HLF: variants seen among roughly 807,000 people sequenced by gnomAD.
HLF encodes hepatic leukemia factor.
HLF carries 3 observed loss-of-function variants against 22.6 expected under a neutral mutation model. The ratio of observed to expected loss-of-function variants is 0.13; its 90% CI spans 0.06 to 0.34. The LOEUF (loss-of-function observed/expected upper bound fraction) is 0.34, where lower values mean the gene tolerates loss of function less well. HLF is among the 10% of genes least tolerant of loss of function. The pLI is 1.00. For synonymous variants in HLF, 151 were observed against 151.8 expected (o/e 0.99, Z 0.04); for missense variants, 299 against 389.2 (o/e 0.77, Z 1.95).
intron 2 of HLF, among the ~76,000 whole-genome samples, chr17:55,282,594 C>G (rs1284990623): frequency 6.6e-6 from 1 of 152,202 alleles, no homozygotes; most frequent in African/African-American, 2.4e-5. Flanking sequence ...GTCAGCCAAT[C>G]TAGGTTCTAA....
intron 2 of HLF, among the ~76,000 whole-genome samples, chr17:55,294,699 T>G (rs974350706): frequency 6.6e-6 from 1 of 152,208 alleles, no homozygotes; most frequent in Non-Finnish European, 1.5e-5. Flanking sequence ...ATGTTACGGC[T>G]TCCTTCTTCA....
chr17:55,285,619 C>T (rs774825325), intron 2 of HLF, among the ~76,000 whole-genome samples: 1 of 152,180 alleles, frequency 6.6e-6, no homozygotes, highest in Non-Finnish European at 1.5e-5. Flanking sequence ...TTTATTAACA[C>T]AAAGAAATCT....
intron 2 of HLF, among the ~76,000 whole-genome samples, chr17:55,280,281 A>T (rs2080941895): frequency 6.6e-6 from 1 of 152,272 alleles, no homozygotes; most frequent in African/African-American, 2.4e-5. Context: ...GATCAGGAAG[A>T]GATACAGCAG....
intron 2 of HLF, among the ~76,000 whole-genome samples, chr17:55,288,247 A>T (rs2081024049): frequency 6.6e-6 from 1 of 151,882 alleles, no homozygotes; most frequent in South Asian, 2.1e-4. Context: ...TCCTGGGCCC[A>T]AGTGATTCTC....
chr17:55,302,068 A>G (rs940495184), intron 2 of HLF, among the ~76,000 whole-genome samples: 1 of 152,194 alleles, frequency 6.6e-6, no homozygotes, highest in African/African-American at 2.4e-5. Flanking sequence ...CATTTTCCCA[A>G]CCTGCCTGGG....
chr17:55,268,059 A>G lies in HLF; in HGVS notation c.424A>G (p.Asn142Asp), dbSNP rs770527752. 2 of 1,586,020 alleles carry G rather than the reference A, an allele frequency of 1.3e-6. No individual in the cohort carries two copies. Among genetic ancestry groups the G allele is most frequent in the Non-Finnish European group, 1.7e-6 (2 of 1,166,546 alleles). ...CCTTCACCCTGGCATCCCATCTCCGAACTGTATGCAGAGCCCCATCAGACC... is the reference window on the plus strand; with the variant it reads ...CCTTCACCCTGGCATCCCATCTCCGGACTGTATGCAGAGCCCCATCAGACC... ...APLHPGIPSP[N>D]CMQSPIRPGQ... Residue 142 changes from asparagine (N) to aspartate (D), a missense_variant, in exon 2 of 4, where the codon AAC (asparagine) becomes GAC (aspartate). By Grantham distance (23) the Asn-to-Asp change is conservative. This residue lies in a region of HLF where 224 missense variants were observed against 298.1 expected (regional missense o/e 0.75). Transcript: ENST00000226067.
chr17:55,269,400 G>A (rs922167168), intron 2 of HLF, among the ~76,000 whole-genome samples: 41 of 152,044 alleles, frequency 2.7e-4, no homozygotes, highest in Admixed American at 2.5e-3. Context: ...TAGAATGTGC[G>A]GTACCACTAT....
intron 2 of HLF, among the ~76,000 whole-genome samples, chr17:55,295,597 G>A (rs995933456): frequency 6.6e-6 from 1 of 152,228 alleles, no homozygotes; most frequent in African/African-American, 2.4e-5. Context: ...CGGTGTAATG[G>A]ATGGGATTTG....
At position 55,324,811 on chromosome 17, in the gene HLF, G is replaced by GCA. The variant is rs1905401547; in HGVS notation, c.*3932_*3933insCA. On this transcript the variant is annotated 3_prime_UTR_variant, in exon 4 of 4. Coordinates refer to ENST00000226067, the MANE Select transcript of HLF (RefSeq NM_002126.5). ...TAAGAGTGTGTGTGTGTGTGTGTGCGTGCATGTGTGTGTGTGTGTATGTGT... is the reference window on the plus strand; with the variant it reads ...TAAGAGTGTGTGTGTGTGTGTGTGCGCATGCATGTGTGTGTGTGTGTATGTGT... The GCA allele has an allele frequency of 4.3e-6, 1 of 230,062 alleles. No homozygotes were observed. Among genetic ancestry groups the GCA allele is most frequent in the Non-Finnish European group, 8.6e-6 (1 of 116,256 alleles). The allele number at this position is 230,062 out of a possible 1,614,324, so 14.3% of individuals were successfully genotyped here.
chr17:55,268,278 C>A (rs541296058), intron 2 of HLF, among the ~76,000 whole-genome samples, 192 bp downstream of exon 2: 2 of 152,228 alleles, frequency 1.3e-5, no homozygotes, highest in African/African-American at 2.4e-5. Flanking sequence ...CTGGAGAGTC[C>A]GGTAAATACA....
intron 2 of HLF, among the ~76,000 whole-genome samples, chr17:55,270,552 A>C (rs62079901): frequency 0.065 from 9,906 of 152,328 alleles, 423 homozygotes; most frequent in Middle Eastern, 0.13. Flanking sequence ...ATAAGTCCTC[A>C]GAAGGGAAGA....
rs1326869129 is a variant in HLF at position 55,321,715 on chromosome 17, T to C, written c.*836T>C. Reference sequence around the variant, plus strand: ...TTTTAAAAAACAAAAAGTAAAGTAATGCATTTGAGCATGGCCAGACTATTC... The same window carrying C: ...TTTTAAAAAACAAAAAGTAAAGTAACGCATTTGAGCATGGCCAGACTATTC... On this transcript the variant is annotated 3_prime_UTR_variant, in exon 4 of 4. Coordinates refer to ENST00000226067, the MANE Select transcript of HLF (RefSeq NM_002126.5). 2 of 229,852 alleles carry C rather than the reference T, an allele frequency of 8.7e-6. No homozygotes were observed. Among genetic ancestry groups the C allele is most frequent in the Non-Finnish European group, 1.7e-5 (2 of 115,800 alleles). 14.2% of individuals were successfully genotyped at this position (229,852 alleles called of 1,614,324 possible).
chr17:55,269,311 T>A (rs550305508), intron 2 of HLF, among the ~76,000 whole-genome samples: 1 of 152,320 alleles, frequency 6.6e-6, no homozygotes, highest in South Asian at 2.1e-4. Flanking sequence ...ATGGAATTAA[T>A]TCTTAGCCTC....
rs780733551 is a variant in HLF at position 55,322,128 on chromosome 17, CTGTT to C, written c.*1252_*1255del. 2 of 205,318 alleles carry C rather than the reference CTGTT, an allele frequency of 9.7e-6. No homozygotes were observed. The highest frequency in any genetic ancestry group is 4.6e-5 in the African/African-American group (2 of 43,704). 12.7% of individuals were successfully genotyped at this position (205,318 alleles called of 1,614,324 possible). A position where few individuals can be genotyped will look rare whatever the true frequency, so the allele number is the denominator to read the frequency against. ...TTCTGAAGCTTATGTTTCTTATTCT[CTGTT>C]TGCTTTTGAACGTATGTGCTCTTAT... is the stretch of plus-strand genomic sequence containing the variant. On this transcript the variant is annotated 3_prime_UTR_variant, in exon 4 of 4. Transcript: ENST00000226067.
At chr17:55,313,351 GGT>G (rs1248035425) in intron 2 of HLF, among the ~76,000 whole-genome samples, 3 of 132,796 alleles carry the variant, frequency 2.3e-5, no homozygotes, top group East Asian at 4.3e-4. Context: ...TAGAGGAGGA[GGT>G]GTGTGCGTGT....
intron 2 of HLF, among the ~76,000 whole-genome samples, chr17:55,288,204 G>A (rs1415161625): frequency 1.3e-5 from 2 of 152,046 alleles, no homozygotes; most frequent in Admixed American, 1.3e-4. Context: ...CTGGAGTGCA[G>A]TGGCGCAATC....
intron 2 of HLF, among the ~76,000 whole-genome samples, chr17:55,269,221 A>G (rs1285054298): frequency 1.3e-5 from 2 of 152,182 alleles, no homozygotes; most frequent in African/African-American, 4.8e-5. Flanking sequence ...TTCATATTGA[A>G]GTTCCTCCTT....
At position 55,281,096 on chromosome 17, in the gene HLF, G is replaced by A. The variant is rs148692578; in HGVS notation, c.451+13010G>A. 7.3e-3 allele frequency among the ~76,000 whole-genome samples: 1,111 copies of A among 152,320 alleles called. 14 individuals are homozygous for A. The highest frequency in any genetic ancestry group is 0.025 in the African/African-American group (1,047 of 41,556). On this transcript the variant is annotated intron_variant, in intron 2 of 3. Transcript: ENST00000226067. The stretch of plus-strand genomic sequence containing the variant: ...ATGTGGCAGGGTAAGGCTTTTAAAG[G>A]TACAGCAGTCTTGAGGGATTACAAA...
At chr17:55,265,687 C>T in intron 1 of HLF, 88 bp downstream of exon 1, 1 of 1,121,394 alleles carries the variant, frequency 8.9e-7, no homozygotes, top group South Asian at 1.6e-5. Flanking sequence ...GAGCATCCCC[C>T]AACCCCGCTC....
Sources: allele counts gnomAD v4.1 joint callset (sites outside exome capture counted in the v4.1 genomes callset), GRCh38; gene constraint gnomAD v4.1.1; regional missense constraint gnomAD v4.1.1; transcripts MANE v1.5; gene names NCBI Gene and HGNC (gene_info 2026-07-23, HGNC 2026-07-21).